The following C1QTNF4 variants were observed in gnomAD, a reference collection of about 807,000 sequenced individuals.
C1QTNF4 encodes complement C1q tumor necrosis factor-related protein 4.
In C1QTNF4, 12 loss-of-function variants were observed where a neutral mutation model predicts 14.6. The ratio of observed to expected loss-of-function variants is 0.82; its 90% confidence interval spans 0.53 to 1.33. The LOEUF (loss-of-function observed/expected upper bound fraction) is 1.33, where lower values mean the gene tolerates loss of function less well. C1QTNF4 is among the 40% of genes most tolerant of loss of function. The pLI is 0.00. For missense variants in C1QTNF4, 558 were observed against 500.3 expected (o/e 1.12, Z -1.10); for synonymous variants, 278 against 246.6 (o/e 1.13, Z -1.19).
intron 1 of C1QTNF4, among the ~76,000 whole-genome samples, chr11:47,593,782 GAT>G (rs2097276690): frequency 6.6e-6 from 1 of 151,906 alleles, no homozygotes; most frequent in African/African-American, 2.4e-5. Flanking sequence ...GAGGTGCAGC[GAT>G]GTCAGGCTGA....
chr11:47,592,930 T>C (rs543651314), intron 1 of C1QTNF4, among the ~76,000 whole-genome samples: 72 of 152,334 alleles, frequency 4.7e-4, no homozygotes, highest in African/African-American at 1.7e-3. Flanking sequence ...AGGTGCTTTT[T>C]GTAATTCTCA....
Position 47,589,903 on chromosome 11 carries a change from T to G in C1QTNF4, c.908A>C (p.Tyr303Ser). 2 of 1,584,478 alleles carry G rather than the reference T, an allele frequency of 1.3e-6. No homozygotes were observed. Among genetic ancestry groups the G allele is most frequent in the Non-Finnish European group, 1.7e-6 (2 of 1,165,236 alleles). ...GYGAYSNHGKYITFSGFLVYP... is the reference protein window; with the variant it reads ...GYGAYSNHGKSITFSGFLVYP... ...CACCAGGAAGCCGGAGAAGGTGATG[T>G]ACTTGCCGTGGTTGCTGTAGGCGCC... is the stretch of plus-strand genomic sequence containing the variant. The change falls in exon 2 of 2, where the codon TAC becomes TCC. Residue 303 changes from tyrosine to serine, a missense_variant. Transcript: ENST00000302514.
chr11:47,590,924 C>CTTG, intron 1 of C1QTNF4, 109 bp from the exon 2 acceptor site: 1 of 1,411,870 alleles, frequency 7.1e-7, no homozygotes, highest in African/African-American at 1.5e-5. Flanking sequence ...GCCCTTGACC[C>CTTG]ACAAGTAGGT....
At position 47,590,499 on chromosome 11, in the gene C1QTNF4, C is replaced by T. The variant is rs1270907116; in HGVS notation, c.312G>A (p.Leu104=). 1 of 1,559,972 alleles carries T rather than the reference C, an allele frequency of 6.4e-7. No homozygotes were observed. Among genetic ancestry groups the T allele is most frequent in the East Asian group, 2.4e-5 (1 of 41,486 alleles). Residue 104 remains leucine, a synonymous_variant, in exon 2 of 2, where the codon CTG becomes CTA. Transcript: ENST00000302514. The part of the protein sequence containing the change: ...LVRNRDEVQA[L]AFDEQRRPGA... ...CTGGCCGCCGCTGCTCGTCGAAGGCCAGCGCCTGCACCTCGTCGCGGTTTC... is the reference window on the plus strand; with the variant it reads ...CTGGCCGCCGCTGCTCGTCGAAGGCTAGCGCCTGCACCTCGTCGCGGTTTC...
chr11:47,590,040 C>T lies in C1QTNF4; in HGVS notation c.771G>A (p.Met257Ile). The T allele has an allele frequency of 6.2e-7, 1 of 1,612,690 alleles. No homozygotes were observed. Among genetic ancestry groups the T allele is most frequent in the Non-Finnish European group, 8.5e-7 (1 of 1,179,076 alleles). The change falls in exon 2 of 2, where the codon ATG (methionine) becomes ATA (isoleucine). Residue 257 changes from methionine (M) to isoleucine (I), a missense_variant. Transcript: ENST00000302514. ...LMKNRDEVQA[M>I]IYDDGASRRR... Reference sequence around the variant, plus strand: ...GCCGCGACGCGCCGTCGTCGTAAATCATGGCCTGCACCTCGTCGCGGTTCT... The same window carrying T: ...GCCGCGACGCGCCGTCGTCGTAAATTATGGCCTGCACCTCGTCGCGGTTCT...
At position 47,590,651 on chromosome 11, in the gene C1QTNF4, A is replaced by G; in HGVS notation, c.160T>C (p.Tyr54His). The change falls in exon 2 of 2, where the codon TAC (tyrosine) becomes CAC (histidine). Residue 54 changes from tyrosine (Y) to histidine (H), a missense_variant. Transcript: ENST00000302514. ...SEMAVTFDKV[Y>H]VNIGGDFDVA... ...TCGAAGTCGCCCCCGATGTTCACGT[A>G]CACCTTGTCGAAGGTCACCGCCATC... 1 of 1,611,354 alleles carries G rather than the reference A, an allele frequency of 6.2e-7. No homozygotes were observed. Among genetic ancestry groups the G allele is most frequent in the Non-Finnish European group, 8.5e-7 (1 of 1,179,392 alleles).
In C1QTNF4 at chr11:47,590,588, C is replaced by G; in HGVS notation, c.223G>C (p.Ala75Pro). The G allele has an allele frequency of 1.2e-6, 2 of 1,604,898 alleles. No homozygotes were observed. Among genetic ancestry groups the G allele is most frequent in the Non-Finnish European group, 1.7e-6 (2 of 1,176,482 alleles). The change falls in exon 2 of 2, where the codon GCC becomes CCC. Residue 75 changes from alanine to proline, a missense_variant. By Grantham distance (27) the Ala-to-Pro change is conservative. Transcript: ENST00000302514. ...TGQFRCRVPG[A>P]YFFSFTAGKA... ...CCAGCCGTGAAGGAGAAGAAGTAGGCGCCGGGCACGCGGCAGCGAAACTGG... is the reference window on the plus strand; with the variant it reads ...CCAGCCGTGAAGGAGAAGAAGTAGGGGCCGGGCACGCGGCAGCGAAACTGG...
upstream of C1QTNF4, chr11:47,594,567 GCAT>G (rs2097277260): frequency 6.5e-6 from 1 of 152,940 alleles, no homozygotes; most frequent in Non-Finnish European, 1.5e-5. Flanking sequence ...TAGAGAGCAG[GCAT>G]CATTAATCTG....
rs1220146074 is a variant in C1QTNF4 at position 47,594,209 on chromosome 11, G to GGGCTGCGGGCTGCA, written c.-81_-68dup. 2.0e-5 allele frequency: 3 copies of GGGCTGCGGGCTGCA among 152,080 alleles called. No homozygotes were observed. Among genetic ancestry groups the GGGCTGCGGGCTGCA allele is most frequent in the South Asian group, 2.1e-4 (1 of 4,830 alleles). The allele number at this position is 152,080 out of a possible 1,614,324, so 9.4% of individuals were successfully genotyped here. On this transcript the variant is annotated 5_prime_UTR_variant, in exon 1 of 2. Coordinates refer to ENST00000302514, the MANE Select transcript of C1QTNF4 (RefSeq NM_031909.3). ...AGCCCGCGATCTGGCTCCGGGCTGC[G>GGGCTGCGGGCTGCA]GGCTGCGGGCTGCAGGCTGCAGGCT...
intron 1 of C1QTNF4, among the ~76,000 whole-genome samples, chr11:47,593,025 C>T (rs1314999634): frequency 6.6e-6 from 1 of 152,176 alleles, no homozygotes; most frequent in Non-Finnish European, 1.5e-5. Context: ...GAAGATGGCA[C>T]CTCACAAGTG....
At chr11:47,593,365 G>A (rs957730044) in intron 1 of C1QTNF4, among the ~76,000 whole-genome samples, 5 of 152,164 alleles carry the variant, frequency 3.3e-5, no homozygotes, top group African/African-American at 1.2e-4. Context: ...ACAAAAGCAA[G>A]CAAACACATT....
In C1QTNF4 at chr11:47,593,769, C is replaced by T. The variant is rs2097276686; in HGVS notation, c.-6+379G>A. On this transcript the variant is annotated intron_variant, in intron 1 of 1. Transcript: ENST00000302514. ...GAGACCCAGAGCCCCGGAGCCAAGGCGGGAGGTGCAGCGATGTCAGGCTGA... is the reference window on the plus strand; with the variant it reads ...GAGACCCAGAGCCCCGGAGCCAAGGTGGGAGGTGCAGCGATGTCAGGCTGA... 2.0e-5 allele frequency among the ~76,000 whole-genome samples: 3 copies of T among 151,908 alleles called. No homozygotes were observed. The South Asian group carries it at 6.3e-4, about 32-fold the overall frequency.
intron 1 of C1QTNF4, among the ~76,000 whole-genome samples, chr11:47,592,987 G>A (rs559809445): frequency 1.1e-4 from 17 of 152,332 alleles, no homozygotes; most frequent in African/African-American, 4.1e-4. Context: ...TTAGGACAGG[G>A]AGGAGGGAAG....
chr11:47,591,326 C>T (rs949925963), intron 1 of C1QTNF4, among the ~76,000 whole-genome samples: 1 of 151,744 alleles, frequency 6.6e-6, no homozygotes, highest in African/African-American at 2.4e-5. Context: ...ATCCACCTGC[C>T]TCAGCCTCCC....
In C1QTNF4 at chr11:47,589,816, G is replaced by A. The variant is rs1293706942; in HGVS notation, c.*5C>T. ...GCCCTCCCGGGCTCTTCTCTGGCCCGGGGCTCACAGTAGCTCCGAGGCCCC... is the reference window on the plus strand; with the variant it reads ...GCCCTCCCGGGCTCTTCTCTGGCCCAGGGCTCACAGTAGCTCCGAGGCCCC... On this transcript the variant is annotated 3_prime_UTR_variant, in exon 2 of 2. Transcript: ENST00000302514. 1.3e-6 allele frequency: 2 copies of A among 1,521,710 alleles called. No homozygotes were observed. The highest frequency in any genetic ancestry group is 2.5e-5 in the East Asian group (1 of 40,364). The allele number at this position is 1,521,710 out of a possible 1,614,324, so 94.3% of individuals were successfully genotyped here.
Position 47,590,364 on chromosome 11 carries a change from G to T in C1QTNF4, c.447C>A (p.Ala149=). The change falls in exon 2 of 2, where the codon GCC becomes GCA. Residue 149 remains alanine, a synonymous_variant. Transcript: ENST00000302514. The stretch of plus-strand genomic sequence containing the variant: ...CGTAGACTAGGTAGCCGCTGAAGGT[G>T]GCGCCGGGCGCGCCTAGCGCGTACT... The part of the protein sequence containing the change: ...APQYALGAPG[A]TFSGYLVYAD... The T allele has an allele frequency of 7.3e-7, 1 of 1,379,214 alleles. No individual in the cohort carries two copies. The highest frequency in any genetic ancestry group is 9.3e-7 in the Non-Finnish European group (1 of 1,075,412). 85.4% of individuals were successfully genotyped at this position (1,379,214 alleles called of 1,614,324 possible). A position where few individuals can be genotyped will look rare whatever the true frequency, so the allele number is the denominator to read the frequency against.
At position 47,590,489 on chromosome 11, in the gene C1QTNF4, C is replaced by G. The variant is rs2097274820; in HGVS notation, c.322G>C (p.Glu108Gln). The G allele has an allele frequency of 5.8e-6, 9 of 1,547,838 alleles. No homozygotes were observed. The highest frequency in any genetic ancestry group is 7.8e-6 in the Non-Finnish European group (9 of 1,148,474). ...CGCCGCGCGCCTGGCCGCCGCTGCT[C>G]GTCGAAGGCCAGCGCCTGCACCTCG... ...RDEVQALAFD[E>Q]QRRPGARRAA... The change falls in exon 2 of 2, where the codon GAG becomes CAG. Residue 108 changes from glutamate (E) to glutamine (Q), a missense_variant. By Grantham distance (29) the Glu-to-Gln change is conservative. Coordinates refer to ENST00000302514, the MANE Select transcript of C1QTNF4 (RefSeq NM_031909.3).
At chr11:47,592,943 A>T (rs889775425) in intron 1 of C1QTNF4, among the ~76,000 whole-genome samples, 13 of 152,178 alleles carry the variant, frequency 8.5e-5, no homozygotes, top group African/African-American at 3.1e-4. Context: ...AATTCTCACA[A>T]AGGTGTCCTA....
In C1QTNF4 at chr11:47,590,447, C is replaced by A; in HGVS notation, c.364G>T (p.Ala122Ser). ...TCGCCGTAGTCGAGCTGCAGCATGG[C>A]GCTCTGGCTGGCTGCGCGCCGCGCG... ...PGARRAASQS[A>S]MLQLDYGDTV... is the part of the protein sequence containing the mutation. The change falls in exon 2 of 2, where the codon GCC becomes TCC. Residue 122 changes from alanine to serine, a missense_variant. Transcript: ENST00000302514. 1 of 1,515,594 alleles carries A rather than the reference C, an allele frequency of 6.6e-7. No individual in the cohort carries two copies. The highest frequency in any genetic ancestry group is 1.2e-5 in the South Asian group (1 of 80,606). The allele number at this position is 1,515,594 out of a possible 1,614,324, so 93.9% of individuals were successfully genotyped here.
Sources: allele counts gnomAD v4.1 joint callset (sites outside exome capture counted in the v4.1 genomes callset), GRCh38; gene constraint gnomAD v4.1.1; transcripts MANE v1.5; gene names NCBI Gene and HGNC (gene_info 2026-07-23, HGNC 2026-07-21).